The following ELL2 variants were observed in gnomAD, a reference collection of about 807,000 sequenced individuals.
The protein encoded by ELL2 is RNA polymerase II elongation factor ELL2.
In ELL2, 21 loss-of-function variants were observed where a neutral mutation model predicts 72.8. The observed-to-expected ratio is 0.29, with a 90% confidence interval of 0.20 to 0.42. ELL2 has a LOEUF of 0.42. Ranked by LOEUF, ELL2 falls within the 10% of genes least tolerant of loss-of-function variation. The pLI is 1.00. For synonymous variants in ELL2, 266 were observed against 283.2 expected (o/e 0.94, Z 0.61); for missense variants, 568 against 772.8 (o/e 0.73, Z 3.14).
intron 2 of ELL2, among the ~76,000 whole-genome samples, chr5:95,938,597 C>A (rs1750860612): frequency 6.6e-6 from 1 of 152,210 alleles, no homozygotes; most frequent in African/African-American, 2.4e-5. Context: ...GGCTGTGTAT[C>A]TATAATCCTA....
At chr5:95,948,642 T>A (rs1247154036) in intron 1 of ELL2, among the ~76,000 whole-genome samples, 1 of 152,228 alleles carries the variant, frequency 6.6e-6, no homozygotes, top group Non-Finnish European at 1.5e-5. Flanking sequence ...CAACTCATTG[T>A]ATCTTTAAAC....
Position 95,906,580 on chromosome 5 carries a change from G to C in ELL2, c.684C>G (p.Leu228=). Residue 228 remains leucine, a synonymous_variant, in exon 5 of 12, where the codon CTC becomes CTG. Transcript: ENST00000237853. ...CTTTTTGATTGACACCATCTTTCTG[G>C]AGTCTAGCAAGTAGCTCCGGTTTCT... ...AYKKPELLAR[L]QKDGVNQKDK... 6.2e-7 allele frequency: 1 copy of C among 1,614,034 alleles called. No homozygotes were observed. Among genetic ancestry groups the C allele is most frequent in the Non-Finnish European group, 8.5e-7 (1 of 1,179,948 alleles).
intron 9 of ELL2, among the ~76,000 whole-genome samples, chr5:95,894,077 G>A (rs560607276): frequency 5.8e-4 from 88 of 152,162 alleles, no homozygotes; most frequent in Admixed American, 2.2e-3. Context: ...ATGGCGAAAC[G>A]CCATCTCTAC....
At chr5:95,939,700 T>A (rs1272925942) in intron 2 of ELL2, among the ~76,000 whole-genome samples, 1 of 152,230 alleles carries the variant, frequency 6.6e-6, no homozygotes, top group African/African-American at 2.4e-5. Flanking sequence ...TTTTTAAAAA[T>A]GTACTGAAAC....
At position 95,895,658 on chromosome 5, in the gene ELL2, G is replaced by A. The variant is rs1457133418; in HGVS notation, c.1559C>T (p.Pro520Leu). The change falls in exon 9 of 12, where the codon CCT (proline) becomes CTT (leucine). Residue 520 changes from proline to leucine, a missense_variant. Coordinates refer to ENST00000237853, the MANE Select transcript of ELL2 (RefSeq NM_012081.6). ...ATAATCTGGGAGTTCAATTGCTGAA[G>A]GTTCCATGGAGGCAGTGCAATCCTC... is the stretch of plus-strand genomic sequence containing the variant. Reference protein sequence around the residue: ...VKEDCTASMEPSAIELPDYLI... With the variant: ...VKEDCTASMELSAIELPDYLI... 1.2e-6 allele frequency: 2 copies of A among 1,614,072 alleles called. No individual in the cohort carries two copies. Among genetic ancestry groups the A allele is most frequent in the South Asian group, 1.1e-5 (1 of 91,082 alleles).
intron 2 of ELL2, among the ~76,000 whole-genome samples, chr5:95,933,595 CTG>C (rs145470748): frequency 0.038 from 5,765 of 152,078 alleles, 176 homozygotes; most frequent in Admixed American, 0.075. Flanking sequence ...TTGAATAAAA[CTG>C]TTTTTCACTA....
chr5:95,892,185 C>T lies in ELL2; in HGVS notation c.1590-911G>A, dbSNP rs151262981. Among the ~76,000 whole-genome samples, 477 of 149,238 alleles carry T rather than the reference C, an allele frequency of 3.2e-3. 1 individual carries two copies. Among genetic ancestry groups the T allele is most frequent in the African/African-American group, 0.011 (426 of 40,394 alleles). On this transcript the variant is annotated intron_variant, in intron 9 of 11. Coordinates refer to ENST00000237853, the MANE Select transcript of ELL2 (RefSeq NM_012081.6). ...TTTTTGAGACGGAGTCTTGCTCTGTCGCCCAGGCCAGAGGGCAGTGGCGCG... is the reference window on the plus strand; with the variant it reads ...TTTTTGAGACGGAGTCTTGCTCTGTTGCCCAGGCCAGAGGGCAGTGGCGCG...
chr5:95,940,081 A>T (rs920185925), intron 2 of ELL2, among the ~76,000 whole-genome samples: 6 of 152,248 alleles, frequency 3.9e-5, no homozygotes, highest in Admixed American at 6.5e-5. Flanking sequence ...TAGAAATGAG[A>T]ATCAACTGCT....
chr5:95,936,626 T>C (rs1279614936), intron 2 of ELL2, among the ~76,000 whole-genome samples: 1 of 151,940 alleles, frequency 6.6e-6, no homozygotes, highest in Non-Finnish European at 1.5e-5. Context: ...CTTCAAAAAG[T>C]GAAAAAATTA....
intron 8 of ELL2, among the ~76,000 whole-genome samples, chr5:95,897,465 C>A (rs1748917745): frequency 6.6e-6 from 1 of 152,182 alleles, no homozygotes; most frequent in South Asian, 2.1e-4. Context: ...CTAATTTTGT[C>A]AGTTTTTAAC....
In ELL2 at chr5:95,888,963, T is replaced by C; in HGVS notation, c.1831A>G (p.Lys611Glu). The change falls in exon 12 of 12, where the codon AAA (lysine) becomes GAA (glutamate). Residue 611 changes from lysine to glutamate, a missense_variant. Physicochemically the swap from Lys to Glu is moderately conservative, Grantham distance 56. Around this residue, in one of 2 missense-constraint regions of ELL2, gnomAD observed 511 missense variants for 728.4 expected, o/e 0.70. Transcript: ENST00000237853. ...TTATGAAGATATTCACATCTGTATT[T>C]TTCTTCATGGTAATTGGGACTAGAC... ...KQSSPNYHEE[K>E]YRCEYLHNKL... 1 of 1,608,224 alleles carries C rather than the reference T, an allele frequency of 6.2e-7. No homozygotes were observed. Among genetic ancestry groups the C allele is most frequent in the Non-Finnish European group, 8.5e-7 (1 of 1,178,576 alleles).
At chr5:95,895,263 T>C (rs1201502016) in intron 9 of ELL2, among the ~76,000 whole-genome samples, 2 of 152,258 alleles carry the variant, frequency 1.3e-5, no homozygotes, top group African/African-American at 4.8e-5. Flanking sequence ...TTGTCAGCAG[T>C]AAACCATCCC....
intron 9 of ELL2, among the ~76,000 whole-genome samples, chr5:95,891,779 A>G (rs1431215889): frequency 6.6e-6 from 1 of 152,190 alleles, no homozygotes. Context: ...ATATGCTGCT[A>G]GCAGACATCT....
intron 1 of ELL2, among the ~76,000 whole-genome samples, chr5:95,960,338 G>A (rs768278723): frequency 1.3e-5 from 2 of 151,368 alleles, no homozygotes; most frequent in East Asian, 1.9e-4. Flanking sequence ...TATCCACTCC[G>A]GTCTCCCACA....
chr5:95,900,803 G>A (rs988608726), intron 6 of ELL2, 23 bp from the exon 7 acceptor site: 1 of 1,586,026 alleles, frequency 6.3e-7, no homozygotes, highest in African/African-American at 1.4e-5. Flanking sequence ...CACATGTTAT[G>A]TGTTAAGGAG....
chr5:95,907,296 A>ATATATATATATATATATTTTTTTTTTT, intron 4 of ELL2, among the ~76,000 whole-genome samples: 1 of 116,520 alleles, frequency 8.6e-6, no homozygotes, highest in African/African-American at 4.1e-5. Context: ...ATATATATAT[A>ATATATATATATATATATTTTTTTTTTT]TTTTTTTTTT....
chr5:95,892,294 A>G (rs796162711), intron 9 of ELL2, among the ~76,000 whole-genome samples: 1 of 152,026 alleles, frequency 6.6e-6, no homozygotes, highest in Admixed American at 6.6e-5. Context: ...TTACAGGTAC[A>G]TGCCACCATG....
chr5:95,903,410 A>T (rs1749219971), intron 5 of ELL2, among the ~76,000 whole-genome samples: 1 of 151,054 alleles, frequency 6.6e-6, no homozygotes, highest in East Asian at 2.0e-4. Context: ...GTAGAGACAG[A>T]GTTTCACCAT....
intron 7 of ELL2, among the ~76,000 whole-genome samples, chr5:95,899,129 C>T (rs1179698495): frequency 2.0e-5 from 3 of 152,168 alleles, no homozygotes; most frequent in Non-Finnish European, 1.5e-5. Flanking sequence ...CCCTAAGTTC[C>T]AAGAGAGACT....
Sources: gnomAD v4.1 joint callset for allele counts (sites outside exome capture counted in the v4.1 genomes callset) on GRCh38, gnomAD v4.1.1 for gene constraint, gnomAD v4.1.1 regional missense constraint, MANE v1.5 for transcripts, NCBI Gene and HGNC (gene_info 2026-07-23, HGNC 2026-07-21) for gene names.